MARCHF3: variants seen among roughly 807,000 people sequenced by gnomAD.
MARCHF3 encodes the protein E3 ubiquitin-protein ligase MARCHF3.
MARCHF3 carries 13 observed loss-of-function variants against 24.2 expected under a neutral mutation model. That is an observed-to-expected ratio of 0.54 (90% CI 0.35 to 0.85). The LOEUF is 0.85. Among genes scored for constraint, MARCHF3 ranks in the 40% least tolerant of loss-of-function variants. MARCHF3 has a pLI of 0.01. For missense variants in MARCHF3, 276 were observed against 325.0 expected, an observed-to-expected ratio of 0.85 and a Z score of 1.16; for synonymous variants, 144 against 137.3, an observed-to-expected ratio of 1.05 and a Z score of -0.34.
chr5:126,995,743 A>G (rs1015043209), intron 1 of MARCHF3, among the ~76,000 whole-genome samples: 4 of 152,232 alleles, frequency 2.6e-5, no homozygotes, highest in Non-Finnish European at 5.9e-5. Flanking sequence ...TTTTCTCCCA[A>G]TAAACAAATC....
At chr5:126,986,830 T>A (rs562094647) in intron 1 of MARCHF3, among the ~76,000 whole-genome samples, 85 of 152,250 alleles carry the variant, frequency 5.6e-4, no homozygotes, top group Non-Finnish European at 8.8e-4. Flanking sequence ...TCTAAGAGAA[T>A]AATACTAAAA....
chr5:127,001,153 GC>G (rs1268672365), intron 1 of MARCHF3, among the ~76,000 whole-genome samples: 1 of 151,856 alleles, frequency 6.6e-6, no homozygotes, highest in Non-Finnish European at 1.5e-5. Context: ...CAGGAGGATT[GC>G]TTGAACCTGG....
chr5:126,908,534 T>C (rs1307054353), intron 3 of MARCHF3, among the ~76,000 whole-genome samples: 10 of 152,160 alleles, frequency 6.6e-5, no homozygotes, highest in Non-Finnish European at 5.9e-5. Context: ...TTATTCTTTT[T>C]TCTCTAAACT....
chr5:126,925,728 C>G (rs376695238), intron 1 of MARCHF3, among the ~76,000 whole-genome samples: 1 of 152,002 alleles, frequency 6.6e-6, no homozygotes, highest in East Asian at 1.9e-4. Context: ...TCTGGGCACT[C>G]GGGAACAATG....
At chr5:127,024,431 G>C (rs1215914003) in intron 1 of MARCHF3, among the ~76,000 whole-genome samples, 1 of 152,206 alleles carries the variant, frequency 6.6e-6, no homozygotes, top group African/African-American at 2.4e-5. Flanking sequence ...GCCTCAAGGG[G>C]CTCCAAGAGG....
chr5:126,886,784 A>G (rs937219790), intron 3 of MARCHF3, among the ~76,000 whole-genome samples: 3 of 151,970 alleles, frequency 2.0e-5, no homozygotes, highest in Non-Finnish European at 4.4e-5. Context: ...CCACAAATAG[A>G]TTCCTCTCTC....
chr5:127,014,222 T>C (rs1752559159), intron 1 of MARCHF3, among the ~76,000 whole-genome samples: 1 of 151,956 alleles, frequency 6.6e-6, no homozygotes, highest in African/African-American at 2.4e-5. Flanking sequence ...TAATCCAATT[T>C]AAAAATGAGC....
rs1385540110 is a variant in MARCHF3 at position 126,914,945 on chromosome 5, G to A, written c.378C>T (p.Pro126=). Reference sequence around the variant, plus strand: ...ACTTACTGACCTCCACTAACGGCCTGGGTTTGCGCTCGACTGCAAACCTGA... The same window carrying A: ...ACTTACTGACCTCCACTAACGGCCTAGGTTTGCGCTCGACTGCAAACCTGA... ...CHFRFAVERK[P]RPLVEWLRNP... The change falls in exon 3 of 5, where the codon CCC becomes CCT. Residue 126 remains proline, a synonymous_variant. Coordinates refer to ENST00000308660, the MANE Select transcript of MARCHF3 (RefSeq NM_178450.5). 6.2e-7 allele frequency: 1 copy of A among 1,614,152 alleles called. No homozygotes were observed. The highest frequency in any genetic ancestry group is 2.2e-5 in the East Asian group (1 of 44,880).
At chr5:126,874,007 A>G (rs538175506) in intron 4 of MARCHF3, among the ~76,000 whole-genome samples, 1 of 152,360 alleles carries the variant, frequency 6.6e-6, no homozygotes, top group African/African-American at 2.4e-5. Flanking sequence ...ACATAAAAAG[A>G]TGCTCCAACA....
intron 1 of MARCHF3, among the ~76,000 whole-genome samples, chr5:127,002,558 C>A (rs1046540895): frequency 2.4e-4 from 37 of 152,146 alleles, no homozygotes; most frequent in African/African-American, 8.2e-4. Flanking sequence ...TAAACAGTTA[C>A]CATGGTTACT....
intron 1 of MARCHF3, among the ~76,000 whole-genome samples, chr5:126,923,016 G>A (rs1467174919): frequency 3.9e-5 from 6 of 152,014 alleles, no homozygotes; most frequent in South Asian, 2.1e-4. Context: ...CTGACCCCAC[G>A]GCCTTCAGAT....
chr5:126,940,956 T>C (rs1749807047), intron 1 of MARCHF3, among the ~76,000 whole-genome samples: 1 of 152,224 alleles, frequency 6.6e-6, no homozygotes, highest in East Asian at 1.9e-4. Flanking sequence ...AACCCACTTA[T>C]ACTTTTGCAA....
intron 1 of MARCHF3, among the ~76,000 whole-genome samples, chr5:126,965,434 G>C (rs1446656621): frequency 6.6e-6 from 1 of 152,176 alleles, no homozygotes; most frequent in Non-Finnish European, 1.5e-5. Flanking sequence ...CCAAGATGTT[G>C]AATGGTCAAG....
chr5:126,886,009 A>T (rs201193237), intron 3 of MARCHF3, among the ~76,000 whole-genome samples: 2 of 146,342 alleles, frequency 1.4e-5, no homozygotes, highest in East Asian at 2.0e-4. Context: ...TATATATATA[A>T]TTTTTTTTTT....
chr5:126,995,001 C>T (rs1336629706), intron 1 of MARCHF3, among the ~76,000 whole-genome samples: 1 of 152,224 alleles, frequency 6.6e-6, no homozygotes, highest in Admixed American at 6.5e-5. Context: ...GTCCTTCCAC[C>T]TTCTTCTGCC....
chr5:127,014,496 A>G lies in MARCHF3; in HGVS notation c.-57+15854T>C, dbSNP rs547083899. On this transcript the variant is annotated intron_variant, in intron 1 of 4. Transcript: ENST00000308660. Reference sequence around the variant, plus strand: ...AAGCAAGTTAATATACTGAAGAGATATCTGCAGCCCCATGTTTATTACAGC... The same window carrying G: ...AAGCAAGTTAATATACTGAAGAGATGTCTGCAGCCCCATGTTTATTACAGC... Among the ~76,000 whole-genome samples the G allele has an allele frequency of 3.9e-5, 6 of 152,340 alleles. No homozygotes were observed. The East Asian group carries it at 1.2e-3, about 29-fold the overall frequency.
intron 4 of MARCHF3, among the ~76,000 whole-genome samples, chr5:126,874,586 CAAAA>C (rs55934327): frequency 1.2e-5 from 1 of 85,600 alleles, no homozygotes; most frequent in Admixed American, 1.4e-4. Context: ...AACTCCCTCT[CAAAA>C]AAAAAAAAAA....
rs34090036 is a variant in MARCHF3, at chr5:126,916,692, GACACACAC to G, written c.188+1284_188+1291del. Among the ~76,000 whole-genome samples the G allele has an allele frequency of 7.7e-4, 100 of 130,560 alleles. 1 individual carries two copies. The highest frequency in any genetic ancestry group is 3.6e-3 in the Middle Eastern group (1 of 276). 85.7% of individuals were successfully genotyped at this position (130,560 alleles called of 152,430 possible). The stretch of plus-strand genomic sequence containing the variant: ...AAAATACCTGACAGACAGACAGACA[GACACACAC>G]ACACACACACACACACACACACACA... On this transcript the variant is annotated intron_variant, in intron 2 of 4. Coordinates refer to ENST00000308660, the MANE Select transcript of MARCHF3 (RefSeq NM_178450.5).
intron 1 of MARCHF3, among the ~76,000 whole-genome samples, chr5:126,958,755 A>T (rs553517581): frequency 1.1e-4 from 16 of 152,304 alleles, no homozygotes; most frequent in South Asian, 1.0e-3. Context: ...AGACAAGTTG[A>T]CAACGGCCAT....
Sources: allele counts gnomAD v4.1 joint callset (sites outside exome capture counted in the v4.1 genomes callset), GRCh38; gene constraint gnomAD v4.1.1; transcripts MANE v1.5; gene names NCBI Gene and HGNC (gene_info 2026-07-23, HGNC 2026-07-21).